Variants in KCNIP1 observed in about 807,000 individuals in gnomAD.
KCNIP1 encodes the protein potassium voltage-gated channel interacting protein 1.
KCNIP1 carries 18 observed loss-of-function variants against 33.0 expected under a neutral mutation model. That is an observed-to-expected ratio of 0.55 (90% CI 0.38 to 0.81). The LOEUF (loss-of-function observed/expected upper bound fraction) is 0.81. Among genes scored for constraint, KCNIP1 ranks in the 30% least tolerant of loss-of-function variants. The pLI is 0.00. For synonymous variants in KCNIP1, 93 were observed against 98.3 expected, an observed-to-expected ratio of 0.95 and a Z score of 0.32; for missense variants, 238 against 271.6, an observed-to-expected ratio of 0.88 and a Z score of 0.87.
chr5:170,594,990 G>T (rs1464896475), intron 1 of KCNIP1, among the ~76,000 whole-genome samples: 1 of 152,194 alleles, frequency 6.6e-6, no homozygotes, highest in Non-Finnish European at 1.5e-5. Flanking sequence ...GAGCGGCTAG[G>T]TGGGAGGGAG....
chr5:170,381,645 G>A (rs575190842), intron 1 of KCNIP1, among the ~76,000 whole-genome samples: 1 of 152,344 alleles, frequency 6.6e-6, no homozygotes, highest in Non-Finnish European at 1.5e-5. Context: ...TGGGCGGCAG[G>A]GGAGAGGACA....
intron 3 of KCNIP1, among the ~76,000 whole-genome samples, chr5:170,721,175 T>C (rs1482259019): frequency 6.6e-6 from 1 of 152,148 alleles, no homozygotes; most frequent in Non-Finnish European, 1.5e-5. Context: ...CTCATGGGCC[T>C]TTTTGGCAGC....
At chr5:170,639,600 A>T (rs1760454761) in intron 1 of KCNIP1, 1 of 152,202 alleles carries the variant, frequency 6.6e-6, no homozygotes, top group African/African-American at 2.4e-5. Context: ...GTTCCTTGTA[A>T]TACAGGTGAA....
At chr5:170,385,268 C>T (rs1355059197) in intron 1 of KCNIP1, 1 of 1,611,102 alleles carries the variant, frequency 6.2e-7, no homozygotes, top group Admixed American at 1.7e-5. Flanking sequence ...GATGCCAGAC[C>T]CTTAGGAGAG....
chr5:170,508,328 A>C lies in KCNIP1; in HGVS notation c.61+3695A>C, dbSNP rs79776520. Among the ~76,000 whole-genome samples the C allele has an allele frequency of 9.6e-3, 1,469 of 152,326 alleles. 27 individuals carry two copies. Among genetic ancestry groups the C allele is most frequent in the African/African-American group, 0.034 (1,400 of 41,566 alleles). ...AGGCCACACGGTGAGTTAATAGGGT[A>C]CTGGTTAATATAGGGCCAAACATGG... On this transcript the variant is annotated intron_variant, in intron 1 of 7. Coordinates refer to ENST00000328939, the MANE Select transcript of KCNIP1 (RefSeq NM_014592.4).
chr5:170,523,658 G>T (rs1026418395), intron 1 of KCNIP1, among the ~76,000 whole-genome samples: 1 of 152,050 alleles, frequency 6.6e-6, no homozygotes, highest in Non-Finnish European at 1.5e-5. Context: ...CTCCCTGCAC[G>T]TGTCACCTCC....
At chr5:170,652,754 A>C (rs1333080058) in intron 1 of KCNIP1, among the ~76,000 whole-genome samples, 3 of 152,192 alleles carry the variant, frequency 2.0e-5, no homozygotes, top group Non-Finnish European at 1.5e-5. Flanking sequence ...TTACATGCCT[A>C]TAGTATGTCA....
At chr5:170,496,815 C>T (rs879845799) in intron 1 of KCNIP1, among the ~76,000 whole-genome samples, 1 of 152,226 alleles carries the variant, frequency 6.6e-6, no homozygotes, top group African/African-American at 2.4e-5. Context: ...TGCCCAGGGC[C>T]ACTCTCACCC....
chr5:170,574,466 A>T (rs2113497543), intron 1 of KCNIP1, among the ~76,000 whole-genome samples: 1 of 152,326 alleles, frequency 6.6e-6, no homozygotes, highest in East Asian at 1.9e-4. Flanking sequence ...GGATCAAGGA[A>T]TAAATGTTTG....
chr5:170,631,219 GAT>G (rs968369549), intron 1 of KCNIP1, among the ~76,000 whole-genome samples: 1 of 152,156 alleles, frequency 6.6e-6, no homozygotes, highest in African/African-American at 2.4e-5. Flanking sequence ...CAGCCCCCTA[GAT>G]AGGTAGTTAT....
chr5:170,648,259 T>C (rs1286411555), intron 1 of KCNIP1, among the ~76,000 whole-genome samples: 4 of 152,226 alleles, frequency 2.6e-5, no homozygotes, highest in Non-Finnish European at 5.9e-5. Flanking sequence ...ACCATAAGAT[T>C]CATCAGTCAT....
intron 4 of KCNIP1, 41 bp from the exon 5 acceptor site, chr5:170,722,672 G>T: frequency 7.4e-7 from 1 of 1,357,238 alleles, no homozygotes; most frequent in Non-Finnish European, 1.1e-6. Context: ...ACTGTCTGAT[G>T]GCTTGATGGT....
chr5:170,531,091 C>G (rs1444508657), intron 1 of KCNIP1, among the ~76,000 whole-genome samples: 3 of 152,166 alleles, frequency 2.0e-5, no homozygotes, highest in Admixed American at 2.0e-4. Context: ...CTGACTGAAA[C>G]CCCCTGAAGC....
chr5:170,724,696 C>G (rs1248598527), intron 5 of KCNIP1, among the ~76,000 whole-genome samples: 1 of 152,100 alleles, frequency 6.6e-6, no homozygotes, highest in Non-Finnish European at 1.5e-5. Flanking sequence ...ATCCAACAAG[C>G]AACCAGAAAA....
intron 1 of KCNIP1, among the ~76,000 whole-genome samples, chr5:170,585,566 C>T (rs1355026307): frequency 1.3e-5 from 2 of 152,168 alleles, no homozygotes; most frequent in Non-Finnish European, 1.5e-5. Flanking sequence ...TACAGGCCTA[C>T]AATACCTGCG....
intron 1 of KCNIP1, among the ~76,000 whole-genome samples, chr5:170,665,766 G>A (rs867372328): frequency 2.0e-5 from 3 of 152,280 alleles, no homozygotes; most frequent in Middle Eastern, 3.4e-3. Context: ...GCTTCCCTCT[G>A]TTTTGATAAC....
intron 1 of KCNIP1, among the ~76,000 whole-genome samples, chr5:170,684,007 G>A (rs900374739): frequency 1.3e-5 from 2 of 151,688 alleles, no homozygotes; most frequent in Non-Finnish European, 2.9e-5. Context: ...TCCACCTGCC[G>A]AGGCCTCCCA....
chr5:170,640,055 TAGGTGACAACAGCCTGCTCTGTGAG>T (rs1428545016), intron 1 of KCNIP1, among the ~76,000 whole-genome samples: 6 of 152,252 alleles, frequency 3.9e-5, no homozygotes, highest in Non-Finnish European at 7.4e-5. Flanking sequence ...TTCAGACCCA[TAGGTGACAACAGCCTGCTCTGTGAG>T]AGTGGCAGTG....
intron 1 of KCNIP1, among the ~76,000 whole-genome samples, chr5:170,357,945 C>T (rs1763391261): frequency 6.6e-6 from 1 of 152,228 alleles, no homozygotes; most frequent in South Asian, 2.1e-4. Flanking sequence ...CTCCCAGAGC[C>T]AGGTCCTCGC....
Sources: allele counts gnomAD v4.1 joint callset (sites outside exome capture counted in the v4.1 genomes callset), GRCh38; gene constraint gnomAD v4.1.1; transcripts MANE v1.5; gene names NCBI Gene and HGNC (gene_info 2026-07-23, HGNC 2026-07-21).